PTPRN2: variants seen among roughly 807,000 people sequenced by gnomAD.
PTPRN2 encodes receptor-type tyrosine-protein phosphatase N2.
In PTPRN2, 74 loss-of-function variants were observed where a neutral mutation model predicts 118.8. The ratio of observed to expected loss-of-function variants is 0.62; its 90% CI spans 0.52 to 0.76. The LOEUF (loss-of-function observed/expected upper bound fraction) is 0.76, where lower values mean the gene tolerates loss of function less well. Among genes scored for constraint, PTPRN2 ranks in the 30% least tolerant of loss-of-function variants. The pLI, the probability that PTPRN2 is intolerant of heterozygous loss-of-function variation, is 0.00. For synonymous variants in PTPRN2, 641 were observed against 608.0 expected (o/e 1.05, Z -0.80); for missense variants, 1,481 against 1,394.4 (o/e 1.06, Z -0.99).
intron 11 of PTPRN2, among the ~76,000 whole-genome samples, chr7:157,961,525 T>A (rs1279485437): frequency 5.8e-5 from 8 of 138,448 alleles, no homozygotes; most frequent in Non-Finnish European, 1.3e-4. Context: ...AGAGACAGAC[T>A]CTGTCTCAAA....
At chr7:158,123,080 A>G (rs765771617) in intron 9 of PTPRN2, among the ~76,000 whole-genome samples, 7 of 152,240 alleles carry the variant, frequency 4.6e-5, no homozygotes, top group Non-Finnish European at 7.3e-5. Flanking sequence ...CCAAATGTGA[A>G]GGGAAAATGA....
At chr7:158,096,579 G>A (rs193258824) in intron 10 of PTPRN2, among the ~76,000 whole-genome samples, 453 of 152,288 alleles carry the variant, frequency 3.0e-3, no homozygotes, top group African/African-American at 0.01. Flanking sequence ...TTGACGTACT[G>A]TGACATTTCC....
chr7:158,407,704 C>T (rs527549608), intron 2 of PTPRN2, among the ~76,000 whole-genome samples: 1 of 116,950 alleles, frequency 8.6e-6, no homozygotes, highest in Admixed American at 8.7e-5. Context: ...CTGCGTCCTG[C>T]ATCCTGCGTC....
chr7:158,579,916 G>C (rs1377773816), intron 1 of PTPRN2, among the ~76,000 whole-genome samples: 1 of 152,232 alleles, frequency 6.6e-6, no homozygotes, highest in Non-Finnish European at 1.5e-5. Context: ...GCTTCCCACA[G>C]CAGCTCTAAC....
At chr7:157,631,689 A>T (rs570742012) in intron 14 of PTPRN2, among the ~76,000 whole-genome samples, 5 of 152,288 alleles carry the variant, frequency 3.3e-5, no homozygotes, top group Non-Finnish European at 7.4e-5. Context: ...AAAATTAGCC[A>T]GGCGTGGTGG....
intron 2 of PTPRN2, among the ~76,000 whole-genome samples, chr7:158,406,055 G>T (rs13312519): frequency 3.1e-5 from 4 of 129,028 alleles, no homozygotes; most frequent in African/African-American, 9.2e-5. Context: ...GAGACACGTG[G>T]CCGCACACTG....
At chr7:158,255,880 C>T (rs1796991755) in intron 3 of PTPRN2, among the ~76,000 whole-genome samples, 1 of 152,188 alleles carries the variant, frequency 6.6e-6, no homozygotes, top group Non-Finnish European at 1.5e-5. Context: ...CTTTCTCTGC[C>T]TGTTCCAGCT....
chr7:158,327,557 C>G (rs1196415864), intron 2 of PTPRN2, among the ~76,000 whole-genome samples: 1 of 152,250 alleles, frequency 6.6e-6, no homozygotes, highest in Non-Finnish European at 1.5e-5. Context: ...TCTGTTCTCA[C>G]ATGCTCACAC....
intron 1 of PTPRN2, among the ~76,000 whole-genome samples, chr7:158,523,721 A>AGGC (rs1554524447): frequency 2.1e-5 from 1 of 47,484 alleles, no homozygotes; most frequent in Non-Finnish European, 3.9e-5. Flanking sequence ...CCTGGAGTGG[A>AGGC]GTCTGCCCTG....
intron 1 of PTPRN2, among the ~76,000 whole-genome samples, chr7:158,519,656 A>G (rs1437830461): frequency 6.6e-6 from 1 of 152,182 alleles, no homozygotes; most frequent in Non-Finnish European, 1.5e-5. Context: ...TCAAGAATCT[A>G]GTGGCCATAC....
intron 5 of PTPRN2, among the ~76,000 whole-genome samples, chr7:158,187,304 A>C (rs761840535): frequency 2.6e-5 from 4 of 152,250 alleles, no homozygotes; most frequent in Non-Finnish European, 4.4e-5. Context: ...TCTACGCTAG[A>C]GTTTCATTTT....
At chr7:158,432,455 G>T (rs924205020) in intron 2 of PTPRN2, among the ~76,000 whole-genome samples, 1 of 152,212 alleles carries the variant, frequency 6.6e-6, no homozygotes, top group African/African-American at 2.4e-5. Context: ...GTGTTCAGGA[G>T]GGGGAGGGTG....
At chr7:158,110,732 T>C in intron 10 of PTPRN2, 97 bp downstream of exon 10, 2 of 1,169,798 alleles carry the variant, frequency 1.7e-6, no homozygotes. Context: ...CCTCATGTAA[T>C]TAACAAGAGC....
At chr7:158,318,265 G>C (rs139030426) in intron 2 of PTPRN2, among the ~76,000 whole-genome samples, 1 of 152,220 alleles carries the variant, frequency 6.6e-6, no homozygotes, top group Admixed American at 6.5e-5. Context: ...AGTGGGAAAG[G>C]GGGGAGGAGG....
At chr7:157,704,250 G>A (rs564787762) in intron 12 of PTPRN2, among the ~76,000 whole-genome samples, 1 of 152,260 alleles carries the variant, frequency 6.6e-6, no homozygotes, top group East Asian at 1.9e-4. Flanking sequence ...TGGGCTTAAT[G>A]AACTGATCCC....
At chr7:158,244,167 G>A (rs1281729901) in intron 3 of PTPRN2, among the ~76,000 whole-genome samples, 2 of 152,190 alleles carry the variant, frequency 1.3e-5, no homozygotes, top group African/African-American at 4.8e-5. Flanking sequence ...GACTTCCATG[G>A]TGGTTCCTGC....
At chr7:157,771,983 G>A (rs1166251577) in intron 12 of PTPRN2, among the ~76,000 whole-genome samples, 2 of 147,522 alleles carry the variant, frequency 1.4e-5, no homozygotes, top group Non-Finnish European at 3.0e-5. Flanking sequence ...CATACACACG[G>A]ACACACATGA....
At position 157,869,725 on chromosome 7, in the gene PTPRN2, C is replaced by T. The variant is rs1038750931; in HGVS notation, c.1788+28948G>A. Among the ~76,000 whole-genome samples the T allele has an allele frequency of 3.3e-5, 5 of 152,146 alleles. No individual in the cohort carries two copies. The highest frequency in any genetic ancestry group is 6.5e-5 in the Admixed American group (1 of 15,272). ...TCATCGGAACTCTTGCTAAATTGCC[C>T]GTGTTTGATGAGAGGAGTGAGCTGA... On this transcript the variant is annotated intron_variant, in intron 12 of 22. Transcript: ENST00000389418. This position sits in a 1 kb window ranked among gnomAD's most constrained non-coding sequence, Gnocchi z 4.2.
chr7:158,140,329 T>C (rs4909103), intron 6 of PTPRN2, among the ~76,000 whole-genome samples: 39,165 of 152,044 alleles, frequency 0.26, 5,299 homozygotes, highest in East Asian at 0.38. Context: ...AAGGACATCT[T>C]CCGTATTACC....
Sources: gnomAD v4.1 joint callset for allele counts (sites outside exome capture counted in the v4.1 genomes callset) on GRCh38, gnomAD v4.1.1 for gene constraint, Gnocchi (gnomAD v3.1) non-coding constraint, MANE v1.5 for transcripts, NCBI Gene and HGNC (gene_info 2026-07-23, HGNC 2026-07-21) for gene names.